Variants in MMS22L observed in about 807,000 individuals in gnomAD.
MMS22L encodes the protein protein MMS22-like.
In MMS22L, 74 loss-of-function variants were observed where a neutral mutation model predicts 159.1. That is an observed-to-expected ratio of 0.47 (90% CI 0.39 to 0.56). The LOEUF (loss-of-function observed/expected upper bound fraction) is 0.56. Ranked by LOEUF, MMS22L falls within the 20% of genes least tolerant of loss-of-function variation. The pLI is 0.00. For synonymous variants in MMS22L, 517 were observed against 506.9 expected, an observed-to-expected ratio of 1.02 and a Z score of -0.27; for missense variants, 1,351 against 1,422.1, an observed-to-expected ratio of 0.95 and a Z score of 0.80.
At chr6:97,283,334 A>G (rs1189462046), upstream of MMS22L, 11 of 151,864 alleles carry the variant, frequency 7.2e-5, no homozygotes, top group African/African-American at 2.7e-4. Context: ...AGGTACTGAG[A>G]AACTTTTTTT....
chr6:97,162,195 T>C (rs758809052), intron 21 of MMS22L, 30 bp from the exon 22 acceptor site: 1 of 1,570,508 alleles, frequency 6.4e-7, no homozygotes, highest in South Asian at 1.2e-5. Context: ...GTTTATTCTC[T>C]GCTTAAAGCT....
At position 97,165,327 on chromosome 6, in the gene MMS22L, T is replaced by C; in HGVS notation, c.3140A>G (p.His1047Arg). ...GTTTCTCAATGCCAGCAAAACAGGA[T>C]GTTGTCCAAGATCTGAAACATATGG... ...ASPYVSDLGQHPVLLALRNTA... is the reference protein window; with the variant it reads ...ASPYVSDLGQRPVLLALRNTA... The change falls in exon 21 of 25, where the codon CAT (histidine) becomes CGT (arginine). Residue 1047 changes from histidine (H) to arginine (R), a missense_variant. Transcript: ENST00000683635. 6.2e-7 allele frequency: 1 copy of C among 1,613,458 alleles called. No homozygotes were observed. The highest frequency in any genetic ancestry group is 8.5e-7 in the Non-Finnish European group (1 of 1,179,652).
In MMS22L at chr6:97,231,672, AG is replaced by A; in HGVS notation, c.1303-21del. 8.5e-7 allele frequency: 1 copy of A among 1,182,264 alleles called. No homozygotes were observed. Among genetic ancestry groups the A allele is most frequent in the Non-Finnish European group, 1.2e-6 (1 of 804,012 alleles). 73.2% of individuals were successfully genotyped at this position (1,182,264 alleles called of 1,614,324 possible). ...ACTATTCTAAAAGGGGGGAAAAAAA[AG>A]ATAGAAAACAATTATTAGTCTCTTA... On this transcript the variant is annotated intron_variant, in intron 12 of 24. Transcript: ENST00000683635.
At chr6:97,202,675 C>G (rs1009976059) in intron 14 of MMS22L, among the ~76,000 whole-genome samples, 1 of 152,050 alleles carries the variant, frequency 6.6e-6, no homozygotes, top group South Asian at 2.1e-4. Context: ...GGAATTATAA[C>G]CCAGGTGTAT....
Position 97,282,484 on chromosome 6 carries a change from C to T in MMS22L, c.-7G>A. ...CAGCAGAACAGTTCTCCATTGTTTA[C>T]TTCATGTTCTGAAACACTTGGGGTT... On this transcript the variant is annotated 5_prime_UTR_variant, in exon 2 of 25. Coordinates refer to ENST00000683635, the MANE Select transcript of MMS22L (RefSeq NM_001350599.2). 2 of 1,554,070 alleles carry T rather than the reference C, an allele frequency of 1.3e-6. No individual in the cohort carries two copies. Among genetic ancestry groups the T allele is most frequent in the South Asian group, 1.1e-5 (1 of 90,010 alleles).
At chr6:97,215,112 AT>A (rs1021043240) in intron 14 of MMS22L, among the ~76,000 whole-genome samples, 1 of 80,072 alleles carries the variant, frequency 1.2e-5, no homozygotes, top group African/African-American at 3.6e-5. Flanking sequence ...ATATATATAT[AT>A]ATTTTTTTTT....
chr6:97,269,885 T>G lies in MMS22L; in HGVS notation c.697+17A>C, dbSNP rs191069277. 1 of 1,571,470 alleles carries G rather than the reference T, an allele frequency of 6.4e-7. No homozygotes were observed. Among genetic ancestry groups the G allele is most frequent in the Non-Finnish European group, 8.7e-7 (1 of 1,147,256 alleles). ...CTGATTTTAAAAAGAATATAAATCA[T>G]AAATCCATAAACTTACTCAATTTTT... On this transcript the variant is annotated intron_variant, in intron 7 of 24. Coordinates refer to ENST00000683635, the MANE Select transcript of MMS22L (RefSeq NM_001350599.2).
At chr6:97,165,837 T>C (rs1802911984) in intron 20 of MMS22L, among the ~76,000 whole-genome samples, 1 of 152,170 alleles carries the variant, frequency 6.6e-6, no homozygotes, top group Non-Finnish European at 1.5e-5. Context: ...AGGTACTGGT[T>C]ATTTTGTCTA....
At chr6:97,155,227 T>C (rs1168722839) in intron 22 of MMS22L, among the ~76,000 whole-genome samples, 1 of 152,216 alleles carries the variant, frequency 6.6e-6, no homozygotes, top group Non-Finnish European at 1.5e-5. Flanking sequence ...CTTTTTGTTT[T>C]CTTAATGACT....
chr6:97,267,642 T>TAA (rs58513290), intron 8 of MMS22L: 131 of 191,518 alleles, frequency 6.8e-4, no homozygotes, highest in Non-Finnish European at 8.7e-4. Flanking sequence ...CTATTTTTCT[T>TAA]AAAAAAAAAA....
At chr6:97,215,044 A>C (rs1173273647) in intron 14 of MMS22L, among the ~76,000 whole-genome samples, 1 of 149,936 alleles carries the variant, frequency 6.7e-6, no homozygotes, top group African/African-American at 2.4e-5. Flanking sequence ...ATTCTAGAAC[A>C]ATCAACTTCC....
rs1289684378 is a variant in MMS22L at position 97,203,352 on chromosome 6, C to T, written c.2040-16662G>A. Among the ~76,000 whole-genome samples, 5 of 152,010 alleles carry T rather than the reference C, an allele frequency of 3.3e-5. No individual in the cohort carries two copies. In the South Asian group the frequency reaches 8.3e-4, roughly 25 times the overall value. On this transcript the variant is annotated intron_variant, in intron 14 of 24. Transcript: ENST00000683635. ...AACTCAGGTAAAAATCAATATACAG[C>T]GAGACAAAGGGCTCTAGAGGGTCTG...
chr6:97,158,895 T>C lies in MMS22L; in HGVS notation c.3385+3107A>G, dbSNP rs549968885. ...AATTTTCTATCTCATTGATCTAATA[T>C]TGACAGTGGGGTGTTAAAGTCTCCC... On this transcript the variant is annotated intron_variant, in intron 22 of 24. Transcript: ENST00000683635. Among the ~76,000 whole-genome samples, 43 of 151,824 alleles carry C rather than the reference T, an allele frequency of 2.8e-4. 2 individuals are homozygous for C. Among genetic ancestry groups the C allele is most frequent in the South Asian group, 1.9e-3 (9 of 4,816 alleles).
chr6:97,278,773 T>C (rs1816479498), intron 4 of MMS22L, 76 bp downstream of exon 4: 3 of 1,164,062 alleles, frequency 2.6e-6, no homozygotes, highest in Middle Eastern at 2.0e-4. Context: ...ATGCCAATTA[T>C]ACCATCATGG....
At chr6:97,282,692 A>G (rs1033112247) in intron 1 of MMS22L, 139 bp from the exon 2 acceptor site, 1 of 506,422 alleles carries the variant, frequency 2.0e-6, no homozygotes, top group Non-Finnish European at 3.5e-6. Flanking sequence ...TCCGTCCATC[A>G]AGGCTGTCAG....
intron 9 of MMS22L, 105 bp downstream of exon 9, chr6:97,263,230 C>T (rs978717263): frequency 4.1e-5 from 28 of 688,250 alleles, no homozygotes; most frequent in Middle Eastern, 3.1e-4. Flanking sequence ...GTTATTATTG[C>T]CTTATTATAA....
At chr6:97,184,179 T>G (rs1804993933) in intron 15 of MMS22L, among the ~76,000 whole-genome samples, 1 of 152,160 alleles carries the variant, frequency 6.6e-6, no homozygotes. Flanking sequence ...TGTTGATCAC[T>G]TTCCTCTCTT....
chr6:97,151,652 G>A (rs1371455992), intron 23 of MMS22L, 119 bp downstream of exon 23: 9 of 744,270 alleles, frequency 1.2e-5, no homozygotes, highest in Non-Finnish European at 1.8e-5. Flanking sequence ...TACAATAATT[G>A]AAATACTATA....
chr6:97,224,133 C>T (rs532368292), intron 14 of MMS22L, among the ~76,000 whole-genome samples: 3 of 152,234 alleles, frequency 2.0e-5, no homozygotes, highest in African/African-American at 7.2e-5. Flanking sequence ...AGGCCAATAG[C>T]ACAACCCCCT....
Sources: gnomAD v4.1 joint callset for allele counts (sites outside exome capture counted in the v4.1 genomes callset) on GRCh38, gnomAD v4.1.1 for gene constraint, MANE v1.5 for transcripts, NCBI Gene and HGNC (gene_info 2026-07-23, HGNC 2026-07-21) for gene names.